The following EPHA4 variants were observed in gnomAD, a reference collection of about 807,000 sequenced individuals.
The protein encoded by EPHA4 is EPH receptor A4, also known as ephrin type-A receptor 4.
In EPHA4, 19 loss-of-function variants were observed where a neutral mutation model predicts 108.3. The ratio of observed to expected loss-of-function variants is 0.18; its 90% confidence interval spans 0.12 to 0.26. EPHA4 has a LOEUF of 0.26. Ranked by LOEUF, EPHA4 falls within the 10% of genes least tolerant of loss-of-function variation. The pLI is 1.00. For missense variants in EPHA4, 917 were observed against 1,254.0 expected, an observed-to-expected ratio of 0.73 and a Z score of 4.06; for synonymous variants, 449 against 455.5, an observed-to-expected ratio of 0.99 and a Z score of 0.18.
intron 5 of EPHA4, among the ~76,000 whole-genome samples, chr2:221,463,221 T>C (rs1162067484): frequency 6.6e-6 from 1 of 152,108 alleles, no homozygotes; most frequent in Non-Finnish European, 1.5e-5. Context: ...TGTAGCAAAA[T>C]ACCATTTTTA....
intron 17 of EPHA4, among the ~76,000 whole-genome samples, chr2:221,421,734 C>T (rs936433770): frequency 2.0e-5 from 3 of 152,186 alleles, no homozygotes; most frequent in African/African-American, 4.8e-5. Flanking sequence ...CCTCCCACCA[C>T]GGTGACCATG....
intron 3 of EPHA4, 135 bp downstream of exon 3, chr2:221,563,592 CACTT>C: frequency 1.1e-6 from 1 of 913,952 alleles, no homozygotes; most frequent in Middle Eastern, 3.4e-4. Flanking sequence ...GGAGCTATAG[CACTT>C]ACTCATTAGA....
intron 5 of EPHA4, among the ~76,000 whole-genome samples, chr2:221,462,472 T>C (rs1320362945): frequency 6.6e-6 from 1 of 152,124 alleles, no homozygotes; most frequent in Non-Finnish European, 1.5e-5. Flanking sequence ...TGGTGACACA[T>C]GCATTCAGTG....
intron 3 of EPHA4, among the ~76,000 whole-genome samples, chr2:221,514,977 G>T (rs984369742): frequency 6.6e-6 from 1 of 152,118 alleles, no homozygotes; most frequent in Non-Finnish European, 1.5e-5. Context: ...TATCTCAGAT[G>T]TACAAAAAAA....
intron 15 of EPHA4, among the ~76,000 whole-genome samples, chr2:221,428,261 C>T (rs1385264171): frequency 1.3e-5 from 2 of 152,204 alleles, no homozygotes; most frequent in Non-Finnish European, 2.9e-5. Context: ...TGTCAATTAA[C>T]TTTAAGGGTG....
rs759439482 is a variant in EPHA4, at chr2:221,426,611, G to T, written c.2699C>A (p.Thr900Asn). ...RTGTESSRPN[T>N]ALLDPSSPEF... ...AGGGGAGCTTGGATCCAACAAGGCA[G>T]TGTTAGGTCTAGAAAGAGAACAAGA... The change falls in exon 16 of 18, where the codon ACT becomes AAT. Residue 900 changes from threonine (T) to asparagine (N), a missense_variant. This residue lies in a region of EPHA4 where 133 missense variants were observed against 132.8 expected (regional missense o/e 1.00). Transcript: ENST00000281821. The T allele has an allele frequency of 1.4e-5, 23 of 1,612,930 alleles. No homozygotes were observed. The South Asian group carries it at 2.5e-4, about 18-fold the overall frequency.
intron 3 of EPHA4, among the ~76,000 whole-genome samples, chr2:221,556,221 C>T (rs924722277): frequency 6.6e-6 from 1 of 152,114 alleles, no homozygotes; most frequent in African/African-American, 2.4e-5. Flanking sequence ...TGCATGTTAA[C>T]ACAAATAGCA....
At chr2:221,431,214 A>G (rs1690066151) in intron 14 of EPHA4, among the ~76,000 whole-genome samples, 1 of 152,158 alleles carries the variant, frequency 6.6e-6, no homozygotes, top group Non-Finnish European at 1.5e-5. Flanking sequence ...TGGGAGTCTA[A>G]AAGTTTTATT....
At chr2:221,541,794 T>A (rs1174710575) in intron 3 of EPHA4, among the ~76,000 whole-genome samples, 1 of 152,164 alleles carries the variant, frequency 6.6e-6, no homozygotes, top group Admixed American at 6.5e-5. Flanking sequence ...TACATTGCAT[T>A]TATACTTTGT....
Position 221,570,154 on chromosome 2 carries a change from T to C in EPHA4, c.92-1369A>G, listed in dbSNP as rs1694783398. Among the ~76,000 whole-genome samples, 4 of 148,932 alleles carry C rather than the reference T, an allele frequency of 2.7e-5. No homozygotes were observed. The South Asian group carries it at 8.6e-4, about 32-fold the overall frequency. Reference sequence around the variant, plus strand: ...AAAAGGAGGGAGTAGAAAGGGAGGGTAAAAGAGAGAAAAGGAAACGTGATG... The same window carrying C: ...AAAAGGAGGGAGTAGAAAGGGAGGGCAAAAGAGAGAAAAGGAAACGTGATG... On this transcript the variant is annotated intron_variant, in intron 1 of 17. Transcript: ENST00000281821.
intron 5 of EPHA4, among the ~76,000 whole-genome samples, chr2:221,481,453 C>A (rs1160663381): frequency 1.3e-5 from 2 of 151,926 alleles, no homozygotes; most frequent in African/African-American, 2.4e-5. Flanking sequence ...AGTTCGAGAC[C>A]AGCCTGGTCA....
chr2:221,426,335 A>G, intron 16 of EPHA4, 129 bp downstream of exon 16: 1 of 1,176,748 alleles, frequency 8.5e-7, no homozygotes, highest in Non-Finnish European at 1.2e-6. Flanking sequence ...GTAAAATTAT[A>G]CTCAATCAAA....
At chr2:221,423,932 A>T (rs1689823652) in intron 17 of EPHA4, among the ~76,000 whole-genome samples, 1 of 151,992 alleles carries the variant, frequency 6.6e-6, no homozygotes, top group Non-Finnish European at 1.5e-5. Context: ...CCTGGTCAAC[A>T]TGGTGAAACC....
At chr2:221,466,779 A>G (rs1691325954) in intron 5 of EPHA4, among the ~76,000 whole-genome samples, 1 of 152,194 alleles carries the variant, frequency 6.6e-6, no homozygotes, top group African/African-American at 2.4e-5. Flanking sequence ...GAGTTTGAAT[A>G]ACTTGCTCCA....
intron 3 of EPHA4, among the ~76,000 whole-genome samples, chr2:221,518,221 G>A (rs1205343737): frequency 6.6e-6 from 1 of 152,154 alleles, no homozygotes; most frequent in African/African-American, 2.4e-5. Flanking sequence ...GGCTTCTGTG[G>A]TTAAGAGCTC....
At chr2:221,464,011 A>G (rs974083133) in intron 5 of EPHA4, among the ~76,000 whole-genome samples, 11 of 152,302 alleles carry the variant, frequency 7.2e-5, no homozygotes, top group Middle Eastern at 3.4e-3. Flanking sequence ...AAACAGATGC[A>G]ATGAAAGGTC....
chr2:221,493,178 T>G (rs1692199527), intron 4 of EPHA4, among the ~76,000 whole-genome samples: 1 of 152,150 alleles, frequency 6.6e-6, no homozygotes, highest in South Asian at 2.1e-4. Flanking sequence ...CCCCCATCAT[T>G]ATATGATTAG....
At chr2:221,493,675 G>T (rs926482400) in intron 4 of EPHA4, among the ~76,000 whole-genome samples, 20 of 152,230 alleles carry the variant, frequency 1.3e-4, no homozygotes, top group African/African-American at 4.1e-4. Context: ...TTGAGTAATA[G>T]AACTGAAATG....
intron 3 of EPHA4, among the ~76,000 whole-genome samples, chr2:221,543,898 CTT>C (rs528178874): frequency 4.6e-5 from 7 of 152,194 alleles, no homozygotes; most frequent in African/African-American, 1.7e-4. Flanking sequence ...AACTGGGTAA[CTT>C]ATAAATAACA....
Sources: allele counts gnomAD v4.1 joint callset (sites outside exome capture counted in the v4.1 genomes callset), GRCh38; gene constraint gnomAD v4.1.1; regional missense constraint gnomAD v4.1.1; transcripts MANE v1.5; gene names NCBI Gene and HGNC (gene_info 2026-07-23, HGNC 2026-07-21).